Variants in TENM3 observed in about 807,000 individuals in gnomAD.
TENM3 encodes teneurin-3.
TENM3 carries 63 observed loss-of-function variants against 255.1 expected under a neutral mutation model. That is an observed-to-expected ratio of 0.25 (90% CI 0.20 to 0.30). The LOEUF (loss-of-function observed/expected upper bound fraction) is 0.30. Among genes scored for constraint, TENM3 ranks in the 10% least tolerant of loss-of-function variants. The probability of loss-of-function intolerance (pLI) is 1.00; values close to 1 mark genes in which losing one functional copy is unlikely to be tolerated. For synonymous variants in TENM3, 1,306 were observed against 1,322.3 expected (o/e 0.99, Z 0.27); for missense variants, 2,929 against 3,461.1 (o/e 0.85, Z 3.86).
the TENM3 span, among the ~76,000 whole-genome samples, chr4:181,983,216 C>A: frequency 3.3e-5 from 5 of 152,114 alleles, no homozygotes; most frequent in East Asian, 9.6e-4. Flanking sequence ...GTATTAATTT[C>A]TTTAAAATTC....
At chr4:181,669,465 C>T in the TENM3 span, among the ~76,000 whole-genome samples, 3 of 152,114 alleles carry the variant, frequency 2.0e-5, no homozygotes, top group Non-Finnish European at 4.4e-5. Flanking sequence ...ACAATATACC[C>T]CCATGTCATA....
chr4:182,324,294 C>T, intron 2 of TENM3, 42 bp downstream of exon 2: 1 of 1,445,964 alleles, frequency 6.9e-7, no homozygotes, highest in East Asian at 2.3e-5. Flanking sequence ...GCTCACGTTA[C>T]TAACTTGTAG....
the TENM3 span, among the ~76,000 whole-genome samples, chr4:181,512,927 G>A: frequency 1.2e-4 from 19 of 152,142 alleles, no homozygotes; most frequent in African/African-American, 4.3e-4. Context: ...TACTAATTAA[G>A]TGTCTGTGCT....
At chr4:182,505,059 C>A (rs1736682122) in intron 3 of TENM3, among the ~76,000 whole-genome samples, 1 of 152,234 alleles carries the variant, frequency 6.6e-6, no homozygotes, top group African/African-American at 2.4e-5. Flanking sequence ...ACAAACTCAT[C>A]AGGACTCTGA....
the TENM3 span, among the ~76,000 whole-genome samples, chr4:181,459,244 T>C: frequency 6.6e-6 from 1 of 151,882 alleles, no homozygotes; most frequent in South Asian, 2.1e-4. Flanking sequence ...TTAAAAAATA[T>C]ATTAATATTT....
the TENM3 span, among the ~76,000 whole-genome samples, chr4:181,700,522 A>G: frequency 6.6e-6 from 1 of 152,188 alleles, no homozygotes; most frequent in African/African-American, 2.4e-5. Flanking sequence ...TCCATTTTGC[A>G]TCTCATTTCA....
rs1240831054 is a variant in TENM3 at position 182,789,740 on chromosome 4, T to G, written c.5601+351T>G. 6.6e-6 allele frequency among the ~76,000 whole-genome samples: 1 copy of G among 152,252 alleles called. No individual in the cohort carries two copies. Among genetic ancestry groups the G allele is most frequent in the African/African-American group, 2.4e-5 (1 of 41,470 alleles). On this transcript the variant is annotated intron_variant, in intron 25 of 27. Coordinates refer to ENST00000511685, the MANE Select transcript of TENM3 (RefSeq NM_001080477.4). This position sits in a 1 kb window ranked among gnomAD's most constrained non-coding sequence, Gnocchi z 4.4. Reference sequence around the variant, plus strand: ...TAATTTTCGTGCTAGCTCTTCCATTTAAGAGAGAGCCTTACATTAGCACAG... The same window carrying G: ...TAATTTTCGTGCTAGCTCTTCCATTGAAGAGAGAGCCTTACATTAGCACAG...
chr4:182,206,500 T>C (rs1333925112), intron 1 of TENM3, among the ~76,000 whole-genome samples: 2 of 152,188 alleles, frequency 1.3e-5, no homozygotes, highest in African/African-American at 4.8e-5. Flanking sequence ...GATGAATGCC[T>C]TCGCCCTACC....
the TENM3 span, among the ~76,000 whole-genome samples, chr4:181,495,045 T>A: frequency 2.6e-5 from 4 of 152,174 alleles, no homozygotes; most frequent in Non-Finnish European, 2.9e-5. Context: ...TTACTGAGAA[T>A]TTATTAAGTT....
intron 3 of TENM3, among the ~76,000 whole-genome samples, chr4:182,449,972 G>A (rs1773312343): frequency 6.6e-6 from 1 of 152,190 alleles, no homozygotes; most frequent in African/African-American, 2.4e-5. Context: ...CCTCTCCTGT[G>A]CTGGCGTCTC....
intron 2 of TENM3, among the ~76,000 whole-genome samples, chr4:182,335,412 G>A (rs958972319): frequency 6.6e-5 from 9 of 136,274 alleles, no homozygotes; most frequent in Non-Finnish European, 1.4e-4. Context: ...GGAGAATGGC[G>A]TGAACCCGGG....
At chr4:181,990,009 TTATC>T in the TENM3 span, among the ~76,000 whole-genome samples, 2 of 152,140 alleles carry the variant, frequency 1.3e-5, no homozygotes, top group Admixed American at 6.6e-5. Flanking sequence ...TGTTACCAAA[TTATC>T]TATATTTTCA....
At chr4:182,632,335 C>T (rs903904036) in intron 5 of TENM3, among the ~76,000 whole-genome samples, 1 of 152,136 alleles carries the variant, frequency 6.6e-6, no homozygotes, top group African/African-American at 2.4e-5. Context: ...AGGATGTTTG[C>T]TGTACCACAG....
the TENM3 span, among the ~76,000 whole-genome samples, chr4:181,529,518 A>G: frequency 6.6e-6 from 1 of 152,324 alleles, no homozygotes; most frequent in East Asian, 1.9e-4. Flanking sequence ...AGACATGAGA[A>G]CTTACAACTG....
At position 182,576,802 on chromosome 4, in the gene TENM3, G is replaced by A. The variant is rs539971686; in HGVS notation, c.512-24122G>A. Among the ~76,000 whole-genome samples the A allele has an allele frequency of 7.9e-5, 12 of 152,268 alleles. No individual in the cohort carries two copies. The South Asian group carries it at 2.5e-3, about 32-fold the overall frequency. The stretch of plus-strand genomic sequence containing the variant: ...CCCACATACACACAGCCTCCACACT[G>A]CTGTTAGGGTAGTCGTCATAAAATG... On this transcript the variant is annotated intron_variant, in intron 3 of 27. Transcript: ENST00000511685.
rs764070880 is a variant in TENM3 at position 182,743,419 on chromosome 4, G to A, written c.3629G>A (p.Ser1210Asn). The A allele has an allele frequency of 6.2e-7, 1 of 1,610,676 alleles. No individual in the cohort carries two copies. The highest frequency in any genetic ancestry group is 8.5e-7 in the Non-Finnish European group (1 of 1,177,036). The change falls in exon 19 of 28, where the codon AGC (serine) becomes AAC (asparagine). Residue 1210 changes from serine (S) to asparagine (N), a missense_variant and splice_region_variant. Transcript: ENST00000511685. ...AATGTAACAAGTGTCTTAGAACTAA[G>A]GTACGTCTTTCCTAAATTTGGGCTT... is the stretch of plus-strand genomic sequence containing the variant. ...SGNVTSVLELSSNPAHRYYLA... is the reference protein window; with the variant it reads ...SGNVTSVLELNSNPAHRYYLA...
the TENM3 span, among the ~76,000 whole-genome samples, chr4:181,684,432 C>T: frequency 1.3e-5 from 2 of 152,160 alleles, no homozygotes; most frequent in Non-Finnish European, 2.9e-5. Context: ...AATGTTTTCA[C>T]ATCCCATTCA....
At chr4:182,621,150 C>T (rs1397198519) in intron 4 of TENM3, among the ~76,000 whole-genome samples, 2 of 151,062 alleles carry the variant, frequency 1.3e-5, no homozygotes, top group Non-Finnish European at 1.5e-5. Context: ...CACTGCACTC[C>T]AGCCTGGACA....
At chr4:182,202,544 A>G (rs896638916) in intron 1 of TENM3, among the ~76,000 whole-genome samples, 1 of 152,080 alleles carries the variant, frequency 6.6e-6, no homozygotes, top group Non-Finnish European at 1.5e-5. Context: ...ACCTCAGGTC[A>G]TCCACCTGCC....
Sources: gnomAD v4.1 joint callset for allele counts (sites outside exome capture counted in the v4.1 genomes callset) on GRCh38, gnomAD v4.1.1 for gene constraint, Gnocchi (gnomAD v3.1) non-coding constraint, MANE v1.5 for transcripts, NCBI Gene and HGNC (gene_info 2026-07-23, HGNC 2026-07-21) for gene names.